Variants in FBXO10 observed in about 807,000 individuals in gnomAD.
The protein encoded by FBXO10 is F-box protein 10, also known as F-box only protein 10.
Under a neutral mutation model 80.7 loss-of-function variants are expected in FBXO10, and 39 were observed. That is an observed-to-expected ratio of 0.48 (90% CI 0.37 to 0.63). FBXO10 has a LOEUF of 0.63. Ranked by LOEUF, FBXO10 falls within the 30% of genes least tolerant of loss-of-function variation. The probability of loss-of-function intolerance (pLI) is 0.00; values close to 1 mark genes in which losing one functional copy is unlikely to be tolerated. For missense variants in FBXO10, 1,025 were observed against 1,269.0 expected (o/e 0.81, Z 2.92); for synonymous variants, 449 against 489.6 (o/e 0.92, Z 1.09).
intron 3 of FBXO10, among the ~76,000 whole-genome samples, chr9:37,534,658 A>G (rs532420805): frequency 6.6e-6 from 1 of 151,612 alleles, no homozygotes; most frequent in Non-Finnish European, 1.5e-5. Flanking sequence ...GGCCTTCACT[A>G]GGTGTTCATG....
At chr9:37,533,114 T>C (rs1821669786) in intron 3 of FBXO10, among the ~76,000 whole-genome samples, 1 of 152,134 alleles carries the variant, frequency 6.6e-6, no homozygotes, top group Admixed American at 6.6e-5. Flanking sequence ...AACCTGCTAA[T>C]AAAGGGATAT....
chr9:37,551,346 G>A (rs1453813484), intron 1 of FBXO10, among the ~76,000 whole-genome samples: 2 of 152,212 alleles, frequency 1.3e-5, no homozygotes, highest in African/African-American at 4.8e-5. Context: ...GGCTCTACAG[G>A]TCTGGAGTCT....
chr9:37,518,987 A>G (rs7865784), intron 8 of FBXO10, among the ~76,000 whole-genome samples: 138,669 of 151,400 alleles, frequency 0.92, 63,748 homozygotes, highest in East Asian at 0.98. Context: ...TCGGCTCACT[A>G]CAAGCTCCGC....
At chr9:37,544,223 C>G (rs528171990) in intron 1 of FBXO10, among the ~76,000 whole-genome samples, 1 of 151,960 alleles carries the variant, frequency 6.6e-6, no homozygotes, top group Non-Finnish European at 1.5e-5. Context: ...GAGCCGAGAT[C>G]GTGCCACTAT....
intron 1 of FBXO10, among the ~76,000 whole-genome samples, chr9:37,555,745 T>C (rs1234523673): frequency 1.3e-5 from 2 of 152,152 alleles, no homozygotes; most frequent in African/African-American, 4.8e-5. Flanking sequence ...TTATATGTCC[T>C]TTGCCAGATA....
intron 1 of FBXO10, among the ~76,000 whole-genome samples, chr9:37,561,535 G>A (rs986147321): frequency 1.3e-5 from 2 of 152,204 alleles, no homozygotes; most frequent in African/African-American, 4.8e-5. Flanking sequence ...GCCTCGCCCT[G>A]TGACTTCAGC....
intron 8 of FBXO10, among the ~76,000 whole-genome samples, chr9:37,520,333 T>C (rs1241464511): frequency 3.6e-5 from 5 of 138,842 alleles, no homozygotes; most frequent in South Asian, 2.3e-4. Flanking sequence ...TTTTTTTTTT[T>C]CCTTTTAAGA....
chr9:37,556,825 G>A (rs1447133747), intron 1 of FBXO10, among the ~76,000 whole-genome samples: 1 of 152,176 alleles, frequency 6.6e-6, no homozygotes, highest in Non-Finnish European at 1.5e-5. Context: ...GATTACAGGC[G>A]TGAGCCACCG....
intron 3 of FBXO10, among the ~76,000 whole-genome samples, chr9:37,534,393 G>A (rs769717946): frequency 2.8e-4 from 43 of 152,136 alleles, no homozygotes; most frequent in Non-Finnish European, 7.4e-5. Context: ...GGTGCCTTTC[G>A]GAGCGTGCAG....
intron 1 of FBXO10, among the ~76,000 whole-genome samples, chr9:37,558,416 T>C (rs1423411599): frequency 2.6e-5 from 4 of 152,212 alleles, no homozygotes; most frequent in Admixed American, 6.5e-5. Flanking sequence ...CTTTACTATA[T>C]AAGTGTTCAA....
intron 1 of FBXO10, among the ~76,000 whole-genome samples, chr9:37,546,791 G>C (rs1417847190): frequency 6.7e-6 from 1 of 149,884 alleles, no homozygotes; most frequent in Admixed American, 6.7e-5. Flanking sequence ...AGCAATTCTC[G>C]TGCCTCAGCC....
intron 5 of FBXO10, 62 bp from the exon 6 acceptor site, chr9:37,525,234 G>T: frequency 6.9e-7 from 1 of 1,453,124 alleles, no homozygotes; most frequent in Non-Finnish European, 9.4e-7. Context: ...ATGCTTCCAG[G>T]AGACTGCCTT....
At chr9:37,525,751 C>T (rs1249366781) in intron 5 of FBXO10, among the ~76,000 whole-genome samples, 1 of 152,068 alleles carries the variant, frequency 6.6e-6, no homozygotes, top group East Asian at 1.9e-4. Context: ...GTTGCCCAGG[C>T]TGGTCTCGAA....
intron 1 of FBXO10, among the ~76,000 whole-genome samples, chr9:37,554,823 A>T (rs1488571913): frequency 6.6e-6 from 1 of 151,948 alleles, no homozygotes; most frequent in Non-Finnish European, 1.5e-5. Flanking sequence ...ATCACAGTTT[A>T]AAAAAAATTA....
chr9:37,552,044 C>T (rs955197357), intron 1 of FBXO10, among the ~76,000 whole-genome samples: 1 of 152,174 alleles, frequency 6.6e-6, no homozygotes, highest in Non-Finnish European at 1.5e-5. Context: ...ACCTTTCTTC[C>T]AATTTCCAAT....
intron 1 of FBXO10, among the ~76,000 whole-genome samples, chr9:37,574,412 T>TA (rs148069320): frequency 0.025 from 3,731 of 152,256 alleles, 109 homozygotes; most frequent in South Asian, 0.15. Flanking sequence ...ATCATAAAAA[T>TA]ACAATTCCCC....
intron 1 of FBXO10, among the ~76,000 whole-genome samples, chr9:37,572,937 T>G (rs1822795183): frequency 6.6e-6 from 1 of 152,252 alleles, no homozygotes; most frequent in African/African-American, 2.4e-5. Flanking sequence ...ATTAAAACCT[T>G]GCCTGCAAAA....
rs190136250 is a variant in FBXO10 at position 37,570,686 on chromosome 9, A to G, written c.-7+5525T>C. 5.9e-5 allele frequency among the ~76,000 whole-genome samples: 9 copies of G among 152,294 alleles called. 1 individual carries two copies. In the East Asian group the frequency reaches 1.7e-3, roughly 29 times the overall value. On this transcript the variant is annotated intron_variant, in intron 1 of 10. Coordinates refer to ENST00000432825, the MANE Select transcript of FBXO10 (RefSeq NM_012166.3). ...GGGGATATCTCTATAGATGCTGTAC[A>G]CCAAATGATAAGAAAATATTATAAA...
At chr9:37,523,687 T>C (rs982067918) in intron 6 of FBXO10, among the ~76,000 whole-genome samples, 16 of 152,168 alleles carry the variant, frequency 1.1e-4, no homozygotes, top group African/African-American at 3.9e-4. Context: ...TTTGGGAGGC[T>C]GAGACGGGCG....
Sources: gnomAD v4.1 joint callset for allele counts (sites outside exome capture counted in the v4.1 genomes callset) on GRCh38, gnomAD v4.1.1 for gene constraint, MANE v1.5 for transcripts, NCBI Gene and HGNC (gene_info 2026-07-23, HGNC 2026-07-21) for gene names.